Variants in ITPR1 observed in about 807,000 individuals in gnomAD.
The protein encoded by ITPR1 is inositol 1,4,5-trisphosphate-gated calcium channel ITPR1.
A neutral mutation model predicts 318.4 loss-of-function variants in ITPR1; 96 were observed. The observed-to-expected ratio is 0.30, with a 90% CI of 0.26 to 0.36. ITPR1 has a LOEUF of 0.36. Ranked by LOEUF, ITPR1 falls within the 10% of genes least tolerant of loss-of-function variation. The pLI, the probability that ITPR1 is intolerant of heterozygous loss-of-function variation, is 1.00. For synonymous variants in ITPR1, 1,312 were observed against 1,289.9 expected (o/e 1.02, Z -0.37); for missense variants, 2,440 against 3,460.2 (o/e 0.71, Z 7.40).
chr3:4,603,374 C>T (rs1270697691), intron 4 of ITPR1, among the ~76,000 whole-genome samples: 1 of 151,950 alleles, frequency 6.6e-6, no homozygotes, highest in Admixed American at 6.6e-5. Flanking sequence ...AGTTTTTCAG[C>T]CCTCACTCCC....
At chr3:4,727,363 CAG>C (rs2042591687) in intron 42 of ITPR1, among the ~76,000 whole-genome samples, 190 bp downstream of exon 42, 1 of 152,098 alleles carries the variant, frequency 6.6e-6, no homozygotes, top group African/African-American at 2.4e-5. Context: ...TCTACCTGAT[CAG>C]AGCACTGTAA....
chr3:4,679,602 C>T (rs2094256549), intron 24 of ITPR1, among the ~76,000 whole-genome samples: 3 of 152,188 alleles, frequency 2.0e-5, no homozygotes, highest in African/African-American at 7.2e-5. Context: ...TGGGTGAGAG[C>T]GGATCTTCTT....
chr3:4,726,970 G>A (rs78051897), intron 41 of ITPR1, among the ~76,000 whole-genome samples, 156 bp from the exon 42 acceptor site: 1 of 152,144 alleles, frequency 6.6e-6, no homozygotes. Context: ...ATCAAGCATG[G>A]ATATACGGGG....
At chr3:4,822,098 G>C (rs770223848) in intron 60 of ITPR1, among the ~76,000 whole-genome samples, 1 of 152,170 alleles carries the variant, frequency 6.6e-6, no homozygotes, top group Non-Finnish European at 1.5e-5. Context: ...GGCAAGTCAC[G>C]GGACTTTGCT....
chr3:4,770,864 C>T (rs112073141), intron 46 of ITPR1, among the ~76,000 whole-genome samples: 1 of 152,296 alleles, frequency 6.6e-6, no homozygotes, highest in South Asian at 2.1e-4. Flanking sequence ...GTTTCCCTGA[C>T]ATTGTCCACC....
chr3:4,828,733 GTTGCGCTGTATCATCCAAGA>G (rs1165562861), intron 60 of ITPR1, among the ~76,000 whole-genome samples: 1 of 152,184 alleles, frequency 6.6e-6, no homozygotes, highest in East Asian at 1.9e-4. Flanking sequence ...GCCCATCTTT[GTTGCGCTGTATCATCCAAGA>G]ACAACTATGG....
At chr3:4,825,689 C>T (rs2050026261) in intron 60 of ITPR1, 1 of 455,740 alleles carries the variant, frequency 2.2e-6, no homozygotes, top group African/African-American at 2.0e-5. Context: ...AAAATGGAAA[C>T]TTAATACCTG....
At chr3:4,538,341 A>T (rs2084072420) in intron 4 of ITPR1, among the ~76,000 whole-genome samples, 1 of 152,236 alleles carries the variant, frequency 6.6e-6, no homozygotes. Flanking sequence ...TCAAAACCAC[A>T]GTGAGATACC....
chr3:4,689,625 G>A (rs2094449705), intron 31 of ITPR1, among the ~76,000 whole-genome samples: 1 of 152,182 alleles, frequency 6.6e-6, no homozygotes, highest in East Asian at 1.9e-4. Context: ...TCAGTGTCAT[G>A]TTAAGAGAAA....
At position 4,775,264 on chromosome 3, in the gene ITPR1, A is replaced by C; in HGVS notation, c.6002A>C (p.Asn2001Thr). ...CAGAACTTCCTCCGTTGCCAAAATA[A>C]CAAGACCAACTACAATTTGGTATGT... is the stretch of plus-strand genomic sequence containing the variant. ...DLQNFLRCQN[N>T]KTNYNLVCET... Residue 2001 changes from asparagine (N) to threonine (T), a missense_variant, in exon 47 of 62, where the codon AAC becomes ACC. Asn to Thr is a moderately conservative substitution (Grantham distance 65). This residue lies in a region of ITPR1 where 76 missense variants were observed against 162.1 expected (regional missense o/e 0.47). Coordinates refer to ENST00000649015, the MANE Select transcript of ITPR1 (RefSeq NM_001378452.1). 1 of 1,614,092 alleles carries C rather than the reference A, an allele frequency of 6.2e-7. No individual in the cohort carries two copies. The highest frequency in any genetic ancestry group is 8.5e-7 in the Non-Finnish European group (1 of 1,179,924).
intron 44 of ITPR1, among the ~76,000 whole-genome samples, chr3:4,738,110 A>G (rs1337170651): frequency 6.6e-6 from 1 of 152,198 alleles, no homozygotes; most frequent in East Asian, 1.9e-4. Flanking sequence ...ACTAATGGGT[A>G]CTAGGTTTAA....
At chr3:4,585,081 G>A (rs1311278756) in intron 4 of ITPR1, among the ~76,000 whole-genome samples, 2 of 152,168 alleles carry the variant, frequency 1.3e-5, no homozygotes, top group Non-Finnish European at 2.9e-5. Context: ...GTGTGCGGCT[G>A]TTCCCTGCCC....
intron 31 of ITPR1, 63 bp downstream of exon 31, chr3:4,688,683 A>G (rs2094435426): frequency 1.3e-6 from 2 of 1,538,868 alleles, no homozygotes; most frequent in Admixed American, 3.5e-5. Context: ...GGGAGGAGGA[A>G]CAGCTTGTTC....
At chr3:4,634,209 G>A (rs905843135) in intron 5 of ITPR1, among the ~76,000 whole-genome samples, 2 of 151,990 alleles carry the variant, frequency 1.3e-5, no homozygotes, top group Non-Finnish European at 1.5e-5. Context: ...ACACATTTAA[G>A]ATGCCTTTTT....
At chr3:4,553,192 T>G (rs1405827765) in intron 4 of ITPR1, among the ~76,000 whole-genome samples, 3 of 152,066 alleles carry the variant, frequency 2.0e-5, no homozygotes, top group African/African-American at 7.2e-5. Flanking sequence ...GAAGGCATAT[T>G]AAGCCGGGCA....
chr3:4,533,922 G>A (rs2083631591), intron 4 of ITPR1, among the ~76,000 whole-genome samples: 1 of 152,136 alleles, frequency 6.6e-6, no homozygotes, highest in African/African-American at 2.4e-5. Flanking sequence ...CAAACAGCAG[G>A]CATTCCAGTG....
At position 4,683,754 on chromosome 3, in the gene ITPR1, A is replaced by C; in HGVS notation, c.3454A>C (p.Thr1152Pro). The C allele has an allele frequency of 6.2e-7, 1 of 1,614,044 alleles. No individual in the cohort carries two copies. The highest frequency in any genetic ancestry group is 1.1e-5 in the South Asian group (1 of 91,074). Residue 1152 changes from threonine to proline, a missense_variant, in exon 28 of 62, where the codon ACT (threonine) becomes CCT (proline). Transcript: ENST00000649015. ...GTACAAAGGGCAGGGCCCCGATGAGACTATGGATGGTGCATCTGGAGAAAA... is the reference window on the plus strand; with the variant it reads ...GTACAAAGGGCAGGGCCCCGATGAGCCTATGGATGGTGCATCTGGAGAAAA... ...WVYKGQGPDE[T>P]MDGASGENEH...
At chr3:4,616,089 C>T (rs577792625) in intron 4 of ITPR1, among the ~76,000 whole-genome samples, 6 of 152,218 alleles carry the variant, frequency 3.9e-5, no homozygotes, top group African/African-American at 1.2e-4. Context: ...TAGCATGCAG[C>T]AGACACAACA....
At chr3:4,845,501 A>C (rs2106558188) in intron 61 of ITPR1, among the ~76,000 whole-genome samples, 1 of 152,350 alleles carries the variant, frequency 6.6e-6, no homozygotes, top group Admixed American at 6.5e-5. Context: ...AGTCTTAGGC[A>C]ATGGTCTCGC....
Sources: gnomAD v4.1 joint callset for allele counts (sites outside exome capture counted in the v4.1 genomes callset) on GRCh38, gnomAD v4.1.1 for gene constraint, gnomAD v4.1.1 regional missense constraint, MANE v1.5 for transcripts, NCBI Gene and HGNC (gene_info 2026-07-23, HGNC 2026-07-21) for gene names.